GALNTL6: variants seen among roughly 807,000 people sequenced by gnomAD.
GALNTL6 encodes polypeptide N-acetylgalactosaminyltransferase-like 6.
In GALNTL6, 46 loss-of-function variants were observed where a neutral mutation model predicts 73.7. That is an observed-to-expected ratio of 0.62 (90% CI 0.49 to 0.80). GALNTL6 has a LOEUF of 0.80. Among genes scored for constraint, GALNTL6 ranks in the 30% least tolerant of loss-of-function variants. GALNTL6 has a pLI of 0.00. For missense variants in GALNTL6, 604 were observed against 755.0 expected, an observed-to-expected ratio of 0.80 and a Z score of 2.34; for synonymous variants, 259 against 263.7, an observed-to-expected ratio of 0.98 and a Z score of 0.17.
chr4:172,979,299 T>C (rs1750974285), intron 10 of GALNTL6, among the ~76,000 whole-genome samples: 1 of 152,232 alleles, frequency 6.6e-6, no homozygotes, highest in Non-Finnish European at 1.5e-5. Context: ...TTGAATTCCC[T>C]TCCATGCCAA....
At chr4:171,855,960 ATTG>A (rs1197374659) in intron 2 of GALNTL6, among the ~76,000 whole-genome samples, 2 of 152,150 alleles carry the variant, frequency 1.3e-5, no homozygotes, top group Non-Finnish European at 2.9e-5. Context: ...GAATTTTCTT[ATTG>A]TTGAGTTTTA....
intron 5 of GALNTL6, among the ~76,000 whole-genome samples, chr4:172,530,237 G>C (rs1050565521): frequency 1.2e-4 from 18 of 151,962 alleles, no homozygotes; most frequent in Non-Finnish European, 2.4e-4. Flanking sequence ...ATACCTAGTC[G>C]ATAATTTGTC....
At chr4:172,175,014 A>G (rs1256896913) in intron 2 of GALNTL6, among the ~76,000 whole-genome samples, 1 of 152,228 alleles carries the variant, frequency 6.6e-6, no homozygotes, top group African/African-American at 2.4e-5. Context: ...CATGCACTGC[A>G]TATACCCTAA....
chr4:172,559,647 T>C (rs1736279567), intron 5 of GALNTL6, among the ~76,000 whole-genome samples: 1 of 152,226 alleles, frequency 6.6e-6, no homozygotes, highest in African/African-American at 2.4e-5. Flanking sequence ...GTATTTTTCA[T>C]ATAGTAAACT....
chr4:171,998,831 G>T (rs1740580193), intron 2 of GALNTL6, among the ~76,000 whole-genome samples: 1 of 152,090 alleles, frequency 6.6e-6, no homozygotes, highest in Admixed American at 6.6e-5. Flanking sequence ...TGAAATAATG[G>T]TTGTTAGAGA....
chr4:171,882,727 G>C (rs1401154624), intron 2 of GALNTL6, among the ~76,000 whole-genome samples: 1 of 152,192 alleles, frequency 6.6e-6, no homozygotes, highest in African/African-American at 2.4e-5. Context: ...TCTTCTGCCT[G>C]CTTGATTCTA....
At chr4:171,865,633 G>A (rs1335811243) in intron 2 of GALNTL6, among the ~76,000 whole-genome samples, 3 of 152,114 alleles carry the variant, frequency 2.0e-5, no homozygotes, top group African/African-American at 7.2e-5. Flanking sequence ...AGCAGAAATG[G>A]AAGGATCCAG....
intron 12 of GALNTL6, among the ~76,000 whole-genome samples, chr4:173,035,861 G>T (rs1753676489): frequency 6.6e-6 from 1 of 152,192 alleles, no homozygotes; most frequent in Non-Finnish European, 1.5e-5. Context: ...CGAATAGCTG[G>T]TCTCAGACCA....
intron 8 of GALNTL6, among the ~76,000 whole-genome samples, chr4:172,886,403 A>T (rs1192190090): frequency 6.7e-6 from 1 of 148,368 alleles, no homozygotes; most frequent in East Asian, 1.9e-4. Flanking sequence ...TTCATTTCTG[A>T]TTTTATTTAT....
chr4:172,902,855 C>T lies in GALNTL6; in HGVS notation c.1041+19948C>T, dbSNP rs192114481. On this transcript the variant is annotated intron_variant, in intron 8 of 12. Transcript: ENST00000506823. The stretch of plus-strand genomic sequence containing the variant: ...ACAGACATCTACTTATTGATTACAA[C>T]GTGCCAACCCTGGGCTAAGCTCCTG... 2.0e-4 allele frequency among the ~76,000 whole-genome samples: 30 copies of T among 152,272 alleles called. No individual in the cohort carries two copies. In the East Asian group the frequency reaches 4.6e-3, roughly 24 times the overall value.
chr4:172,407,049 A>G (rs1744264153), intron 5 of GALNTL6, among the ~76,000 whole-genome samples: 1 of 151,942 alleles, frequency 6.6e-6, no homozygotes, highest in East Asian at 1.9e-4. Flanking sequence ...TGTGTGTTTA[A>G]ATTTTTATTA....
chr4:172,043,281 A>G (rs1742137502), intron 2 of GALNTL6, among the ~76,000 whole-genome samples: 1 of 151,986 alleles, frequency 6.6e-6, no homozygotes. Flanking sequence ...ATATAATTCA[A>G]ATGGATTCCT....
intron 2 of GALNTL6, among the ~76,000 whole-genome samples, chr4:171,826,813 A>G (rs1162519040): frequency 6.6e-6 from 1 of 151,976 alleles, no homozygotes; most frequent in African/African-American, 2.4e-5. Context: ...ACAGGAAAAC[A>G]TCAAGTGGCG....
intron 7 of GALNTL6, among the ~76,000 whole-genome samples, chr4:172,838,219 A>G (rs1431069280): frequency 6.6e-6 from 1 of 152,214 alleles, no homozygotes; most frequent in African/African-American, 2.4e-5. Flanking sequence ...CTTGTGATCC[A>G]GTGATTGTGA....
intron 5 of GALNTL6, among the ~76,000 whole-genome samples, chr4:172,529,863 T>TTTTATTTATTTA (rs369219302): frequency 2.9e-5 from 4 of 138,658 alleles, no homozygotes; most frequent in African/African-American, 1.1e-4. Context: ...TTTATTTTTA[T>TTTTATTTATTTA]TTTATTTATT....
At position 172,229,878 on chromosome 4, in the gene GALNTL6, G is replaced by A. The variant is rs1736994750; in HGVS notation, c.247+114G>A. 6.1e-6 allele frequency: 4 copies of A among 650,442 alleles called. No individual in the cohort carries two copies. In the Admixed American group the frequency reaches 8.3e-5, roughly 14 times the overall value. The allele number at this position is 650,442 out of a possible 1,614,324, so 40.3% of individuals were successfully genotyped here. A position where few individuals can be genotyped will look rare whatever the true frequency, so the allele number is the denominator to read the frequency against. ...TGCACACTGTAAAGTATGTTTCATGGGGATATTGGAGGTGATACTGGACAG... is the reference window on the plus strand; with the variant it reads ...TGCACACTGTAAAGTATGTTTCATGAGGATATTGGAGGTGATACTGGACAG... On this transcript the variant is annotated intron_variant, in intron 3 of 12. Coordinates refer to ENST00000506823, the MANE Select transcript of GALNTL6 (RefSeq NM_001034845.3).
At chr4:172,670,316 T>C (rs1163717323) in intron 5 of GALNTL6, among the ~76,000 whole-genome samples, 2 of 151,838 alleles carry the variant, frequency 1.3e-5, no homozygotes, top group Non-Finnish European at 2.9e-5. Flanking sequence ...CAGCATCTCT[T>C]TTTTTTTACT....
chr4:172,137,773 G>T (rs1733676674), intron 2 of GALNTL6, among the ~76,000 whole-genome samples: 1 of 152,188 alleles, frequency 6.6e-6, no homozygotes, highest in East Asian at 1.9e-4. Context: ...CATTCAAATT[G>T]ATTACAACTT....
intron 5 of GALNTL6, among the ~76,000 whole-genome samples, chr4:172,441,785 C>G (rs1292995570): frequency 6.6e-6 from 1 of 152,052 alleles, no homozygotes; most frequent in African/African-American, 2.4e-5. Flanking sequence ...AGGAAATTTT[C>G]TAATCTGTAC....
Sources: gnomAD v4.1 joint callset for allele counts (sites outside exome capture counted in the v4.1 genomes callset) on GRCh38, gnomAD v4.1.1 for gene constraint, MANE v1.5 for transcripts, NCBI Gene and HGNC (gene_info 2026-07-23, HGNC 2026-07-21) for gene names.